Variants in NRP2 observed in about 807,000 individuals in gnomAD.
The protein encoded by NRP2 is neuropilin-2.
In NRP2, 52 loss-of-function variants were observed where a neutral mutation model predicts 110.4. The observed-to-expected ratio is 0.47, with a 90% CI of 0.38 to 0.59. The LOEUF (loss-of-function observed/expected upper bound fraction) is 0.59, where lower values mean the gene tolerates loss of function less well. Among genes scored for constraint, NRP2 ranks in the 20% least tolerant of loss-of-function variants. The pLI, the probability that NRP2 is intolerant of heterozygous loss-of-function variation, is 0.00. For missense variants in NRP2, 1,049 were observed against 1,203.0 expected (o/e 0.87, Z 1.89); for synonymous variants, 508 against 468.9 (o/e 1.08, Z -1.08).
At chr2:205,758,941 T>C (rs1406201046) in intron 12 of NRP2, among the ~76,000 whole-genome samples, 1 of 151,848 alleles carries the variant, frequency 6.6e-6, no homozygotes, top group Non-Finnish European at 1.5e-5. Flanking sequence ...ATACCAGCTC[T>C]TTTGACGGTC....
chr2:205,710,894 G>A (rs2056784484), intron 2 of NRP2, among the ~76,000 whole-genome samples: 1 of 152,224 alleles, frequency 6.6e-6, no homozygotes, highest in African/African-American at 2.4e-5. Context: ...TTGAAAGTGT[G>A]AGAAAAATCT....
chr2:205,769,501 TACATAC>T (rs965840950), intron 15 of NRP2, among the ~76,000 whole-genome samples: 2 of 54,106 alleles, frequency 3.7e-5, no homozygotes, highest in Non-Finnish European at 7.7e-5. Context: ...TGTATATACA[TACATAC>T]ACACACACAC....
chr2:205,763,768 G>T lies in NRP2; in HGVS notation c.2139G>T (p.Pro713=). Residue 713 remains proline, a synonymous_variant, in exon 13 of 17, where the codon CCG becomes CCT. Coordinates refer to ENST00000357785, the MANE Select transcript of NRP2 (RefSeq NM_003872.3). This position sits in a 1 kb window ranked among gnomAD's most constrained non-coding sequence, Gnocchi z 4.0. ...CCCCTGTCCACCTGCCCCGAAGCCC[G>T]GTGTGCATGGAGTTCCAGTACCAGG... The part of the protein sequence containing the change: ...ISPPVHLPRS[P]VCMEFQYQAT... 1 of 1,614,190 alleles carries T rather than the reference G, an allele frequency of 6.2e-7. No homozygotes were observed. The highest frequency in any genetic ancestry group is 1.3e-5 in the African/African-American group (1 of 75,050).
chr2:205,771,161 C>G (rs772466275), intron 15 of NRP2, among the ~76,000 whole-genome samples: 1 of 152,180 alleles, frequency 6.6e-6, no homozygotes, highest in South Asian at 2.1e-4. Context: ...AAAAATGCCT[C>G]TAGATGTGGG....
intron 15 of NRP2, among the ~76,000 whole-genome samples, chr2:205,787,287 T>C (rs2058246099): frequency 6.6e-6 from 1 of 152,164 alleles, no homozygotes; most frequent in South Asian, 2.1e-4. Context: ...ATGCTGCCAC[T>C]GACCAGGCTT....
At chr2:205,718,602 C>T (rs1334659226) in intron 3 of NRP2, among the ~76,000 whole-genome samples, 1 of 152,182 alleles carries the variant, frequency 6.6e-6, no homozygotes, top group Non-Finnish European at 1.5e-5. Flanking sequence ...TCGTACCTGC[C>T]GTCATACCCA....
intron 2 of NRP2, among the ~76,000 whole-genome samples, chr2:205,709,641 G>T (rs183922456): frequency 6.6e-6 from 1 of 152,152 alleles, no homozygotes; most frequent in Non-Finnish European, 1.5e-5. Context: ...GTATGTTTCC[G>T]TTAACAGTAA....
intron 6 of NRP2, 59 bp downstream of exon 6, chr2:205,726,141 T>G (rs2057124305): frequency 6.4e-7 from 1 of 1,553,600 alleles, no homozygotes; most frequent in Non-Finnish European, 8.9e-7. Flanking sequence ...GGTAGGAGGG[T>G]AGCTCCTCAA....
intron 7 of NRP2, among the ~76,000 whole-genome samples, chr2:205,729,625 G>A (rs1209171258): frequency 1.3e-5 from 2 of 152,208 alleles, no homozygotes; most frequent in East Asian, 1.9e-4. Context: ...AGCAGCACAG[G>A]CCCAGAGGGA....
At chr2:205,705,301 G>C (rs2105761134) in intron 2 of NRP2, among the ~76,000 whole-genome samples, 1 of 152,182 alleles carries the variant, frequency 6.6e-6, no homozygotes, top group South Asian at 2.1e-4. Flanking sequence ...TTGCAGAGTA[G>C]ATGGTTGTAT....
chr2:205,766,654 T>G (rs1046564815), intron 14 of NRP2, 129 bp from the exon 15 acceptor site: 11 of 807,072 alleles, frequency 1.4e-5, no homozygotes, highest in Non-Finnish European at 2.4e-5. Flanking sequence ...GGGGGCCCTC[T>G]CCATGGAGTG....
rs2058346891 is a variant in NRP2, at chr2:205,795,770, T to C, written c.*712T>C. 6.5e-6 allele frequency: 1 copy of C among 152,676 alleles called. No individual in the cohort carries two copies. The highest frequency in any genetic ancestry group is 2.4e-5 in the African/African-American group (1 of 41,540). 9.5% of individuals were successfully genotyped at this position (152,676 alleles called of 1,614,324 possible). On this transcript the variant is annotated 3_prime_UTR_variant, in exon 17 of 17. Transcript: ENST00000357785. ...TTCTTGTATGCGATTTAAAACAAAC[T>C]GGAAAGGAAACTTCACACGTCAAAA...
rs1002876968 is a variant in NRP2, at chr2:205,725,106, A to G, written c.821-807A>G. Among the ~76,000 whole-genome samples the G allele has an allele frequency of 6.6e-6, 1 of 152,190 alleles. No homozygotes were observed. Among genetic ancestry groups the G allele is most frequent in the Non-Finnish European group, 1.5e-5 (1 of 68,040 alleles). The stretch of plus-strand genomic sequence containing the variant: ...CTGCAGGAAGGTTGCTGGGTTTTGC[A>G]TTTGTTTTTTCATCAAAGAGCTTCT... On this transcript the variant is annotated intron_variant, in intron 5 of 16. Coordinates refer to ENST00000357785, the MANE Select transcript of NRP2 (RefSeq NM_003872.3). The surrounding 1 kb of genome is among the most constrained non-coding windows in gnomAD (Gnocchi z 4.1).
intron 1 of NRP2, among the ~76,000 whole-genome samples, chr2:205,687,740 A>G (rs1297828281): frequency 6.6e-6 from 1 of 152,220 alleles, no homozygotes; most frequent in Non-Finnish European, 1.5e-5. Context: ...CTGTCTACCA[A>G]ATGGCTCTGA....
At chr2:205,778,873 A>T (rs2058140086) in intron 15 of NRP2, 2 of 152,184 alleles carry the variant, frequency 1.3e-5, no homozygotes, top group Admixed American at 1.3e-4. Context: ...TGAGGATGTC[A>T]CCTTCTCTGT....
At position 205,795,085 on chromosome 2, in the gene NRP2, G is replaced by T; in HGVS notation, c.*27G>T. ...GGATTGCACCTGAATCCTATCTGAC[G>T]TTTCATTCCAGCAAGAGGGGCTGGG... On this transcript the variant is annotated 3_prime_UTR_variant, in exon 17 of 17. Transcript: ENST00000357785. 1 of 1,606,342 alleles carries T rather than the reference G, an allele frequency of 6.2e-7. No individual in the cohort carries two copies. Among genetic ancestry groups the T allele is most frequent in the African/African-American group, 1.3e-5 (1 of 74,866 alleles).
In NRP2 at chr2:205,794,826, A is replaced by G; in HGVS notation, c.2549A>G (p.Glu850Gly). Residue 850 changes from glutamate (E) to glycine (G), a missense_variant, in exon 17 of 17, where the codon GAA becomes GGA. Glu to Gly is a moderately conservative substitution (Grantham distance 98). Coordinates refer to ENST00000357785, the MANE Select transcript of NRP2 (RefSeq NM_003872.3). ...TCTGGCGCCCCCTCGACCGACAAAGAAAAGAGCTGGCTGTACACCCTGGAT... is the reference window on the plus strand; with the variant it reads ...TCTGGCGCCCCCTCGACCGACAAAGGAAAGAGCTGGCTGTACACCCTGGAT... ...SGSGAPSTDKEKSWLYTLDPI... is the reference protein window; with the variant it reads ...SGSGAPSTDKGKSWLYTLDPI... The G allele has an allele frequency of 6.2e-7, 1 of 1,614,152 alleles. No individual in the cohort carries two copies. Among genetic ancestry groups the G allele is most frequent in the Non-Finnish European group, 8.5e-7 (1 of 1,180,028 alleles).
At chr2:205,766,268 G>T (rs1354535467) in intron 14 of NRP2, among the ~76,000 whole-genome samples, 1 of 152,196 alleles carries the variant, frequency 6.6e-6, no homozygotes, top group Admixed American at 6.5e-5. Flanking sequence ...TGTCCCATCA[G>T]AGCCATGGAC....
chr2:205,733,873 T>C (rs931249716), intron 7 of NRP2, among the ~76,000 whole-genome samples: 1 of 151,906 alleles, frequency 6.6e-6, no homozygotes, highest in Non-Finnish European at 1.5e-5. Context: ...CTAATCCTGT[T>C]AGTATGCTGT....
Sources: allele counts gnomAD v4.1 joint callset (sites outside exome capture counted in the v4.1 genomes callset), GRCh38; gene constraint gnomAD v4.1.1; non-coding constraint Gnocchi (gnomAD v3.1); transcripts MANE v1.5; gene names NCBI Gene and HGNC (gene_info 2026-07-23, HGNC 2026-07-21).